The following EML4 variants were observed in gnomAD, a reference collection of about 807,000 sequenced individuals.
The protein encoded by EML4 is EMAP like 4, also known as echinoderm microtubule-associated protein-like 4.
EML4 carries 72 observed loss-of-function variants against 129.0 expected under a neutral mutation model. The observed-to-expected ratio is 0.56, with a 90% CI of 0.46 to 0.68. The LOEUF is 0.68. Among genes scored for constraint, EML4 ranks in the 30% least tolerant of loss-of-function variants. The pLI, the probability that EML4 is intolerant of heterozygous loss-of-function variation, is 0.00. For synonymous variants in EML4, 532 were observed against 405.0 expected, an observed-to-expected ratio of 1.31 and a Z score of -3.77; for missense variants, 1,363 against 1,190.6, an observed-to-expected ratio of 1.14 and a Z score of -2.13.
At chr2:42,253,868 A>G (rs1031544805) in intron 2 of EML4, among the ~76,000 whole-genome samples, 1 of 152,256 alleles carries the variant, frequency 6.6e-6, no homozygotes, top group African/African-American at 2.4e-5. Flanking sequence ...AAGATTTCAT[A>G]AGTAGCACAC....
At chr2:42,265,617 A>G (rs1455353805) in intron 6 of EML4, among the ~76,000 whole-genome samples, 3 of 152,206 alleles carry the variant, frequency 2.0e-5, no homozygotes, top group Non-Finnish European at 4.4e-5. Flanking sequence ...ACAGTATTAC[A>G]AAAAGGGATA....
At position 42,302,386 on chromosome 2, in the gene EML4, G is replaced by A. The variant is rs540521817; in HGVS notation, c.1642-718G>A. Among the ~76,000 whole-genome samples the A allele has an allele frequency of 3.3e-5, 5 of 152,102 alleles. 1 individual carries two copies. The South Asian group carries it at 1.0e-3, about 32-fold the overall frequency. ...TTTGATCCTTACAACAATCAAGAGT[G>A]GGTAGGGCATGTATTATTATCCTTA... On this transcript the variant is annotated intron_variant, in intron 14 of 22. Coordinates refer to ENST00000318522, the MANE Select transcript of EML4 (RefSeq NM_019063.5).
chr2:42,291,594 C>G (rs58040278), intron 11 of EML4, among the ~76,000 whole-genome samples: 2,488 of 151,786 alleles, frequency 0.016, 56 homozygotes, highest in African/African-American at 0.053. Flanking sequence ...TTAATAGAGT[C>G]AGAGTTTCAC....
chr2:42,279,300 G>C (rs1666869061), intron 6 of EML4, among the ~76,000 whole-genome samples: 1 of 152,122 alleles, frequency 6.6e-6, no homozygotes, highest in Admixed American at 6.6e-5. Context: ...AGTTCTTCTA[G>C]AAAATACCCA....
intron 3 of EML4, among the ~76,000 whole-genome samples, chr2:42,260,017 A>G (rs140078243): frequency 2.6e-4 from 39 of 150,758 alleles, no homozygotes; most frequent in Admixed American, 5.3e-4. Context: ...GGCGTGAGCC[A>G]CTGTGCCTGG....
chr2:42,295,002 TAGA>T (rs1419547187), intron 11 of EML4, 120 bp from the exon 12 acceptor site: 3 of 862,286 alleles, frequency 3.5e-6, no homozygotes, highest in East Asian at 2.7e-5. Context: ...AAAATTGTCT[TAGA>T]AGAAGAGGCA....
At chr2:42,224,919 C>T (rs1267247859) in intron 1 of EML4, among the ~76,000 whole-genome samples, 2 of 152,092 alleles carry the variant, frequency 1.3e-5, no homozygotes, top group African/African-American at 4.8e-5. Context: ...ATTGACCTCT[C>T]CTTTCAGTCC....
chr2:42,280,496 T>C (rs896280614), intron 6 of EML4, among the ~76,000 whole-genome samples: 1 of 152,232 alleles, frequency 6.6e-6, no homozygotes, highest in Non-Finnish European at 1.5e-5. Context: ...ACTGAATATA[T>C]GCAGACTTTT....
At chr2:42,275,554 C>G (rs1666609114) in intron 6 of EML4, among the ~76,000 whole-genome samples, 1 of 152,196 alleles carries the variant, frequency 6.6e-6, no homozygotes, top group African/African-American at 2.4e-5. Flanking sequence ...GGGAAATGAA[C>G]AACAGCCTTT....
At position 42,302,989 on chromosome 2, in the gene EML4, A is replaced by G. The variant is rs1668376415; in HGVS notation, c.1642-115A>G. ...TAGTAGTATGAGATTACCATATCCA[A>G]ATTTGGGCTTTCGTCATAATTACCT... On this transcript the variant is annotated intron_variant, in intron 14 of 22. Transcript: ENST00000318522. 1.5e-5 allele frequency: 14 copies of G among 935,118 alleles called. No homozygotes were observed. The South Asian group carries it at 1.9e-4, about 13-fold the overall frequency. The allele number at this position is 935,118 out of a possible 1,614,324, so 57.9% of individuals were successfully genotyped here. A position where few individuals can be genotyped will look rare whatever the true frequency, so the allele number is the denominator to read the frequency against.
chr2:42,262,807 A>G (rs1665815349), intron 4 of EML4, among the ~76,000 whole-genome samples: 1 of 152,206 alleles, frequency 6.6e-6, no homozygotes, highest in Non-Finnish European at 1.5e-5. Context: ...TGCACAAAAA[A>G]TGAAAATGGC....
intron 1 of EML4, among the ~76,000 whole-genome samples, chr2:42,187,936 A>G (rs1671357305): frequency 6.6e-6 from 1 of 152,164 alleles, no homozygotes; most frequent in South Asian, 2.1e-4. Flanking sequence ...ACCCAGGGTC[A>G]CAAAGATTCT....
At chr2:42,187,042 T>A (rs949964905) in intron 1 of EML4, among the ~76,000 whole-genome samples, 2 of 63,102 alleles carry the variant, frequency 3.2e-5, no homozygotes, top group South Asian at 5.7e-4. Flanking sequence ...TTCTCCTTTT[T>A]TTGGAGCGGG....
intron 19 of EML4, among the ~76,000 whole-genome samples, chr2:42,319,075 T>C (rs1669391808): frequency 6.6e-6 from 1 of 152,206 alleles, no homozygotes; most frequent in Admixed American, 6.5e-5. Context: ...TATGACTTAA[T>C]CTTGTAGAAT....
chr2:42,229,422 T>C (rs564300009), intron 1 of EML4, among the ~76,000 whole-genome samples: 3 of 152,320 alleles, frequency 2.0e-5, no homozygotes, highest in South Asian at 2.1e-4. Flanking sequence ...AAGCACCATA[T>C]GCATATTAAG....
intron 19 of EML4, among the ~76,000 whole-genome samples, chr2:42,321,208 C>T (rs1318438812): frequency 6.6e-6 from 1 of 151,838 alleles, no homozygotes; most frequent in African/African-American, 2.4e-5. Context: ...ACGGTGAAAC[C>T]CCATCTCTAC....
intron 6 of EML4, among the ~76,000 whole-genome samples, chr2:42,278,960 G>C (rs1007829068): frequency 5.9e-5 from 9 of 151,816 alleles, no homozygotes; most frequent in Admixed American, 2.6e-4. Context: ...GTATTGATTT[G>C]ATTCTAGACT....
intron 1 of EML4, among the ~76,000 whole-genome samples, chr2:42,188,881 G>A (rs1413676194): frequency 6.6e-6 from 1 of 152,152 alleles, no homozygotes; most frequent in Non-Finnish European, 1.5e-5. Flanking sequence ...TGTAATCCCA[G>A]CGCTTTGGGA....
In EML4 at chr2:42,329,949, T is replaced by TAAAGGATA; in HGVS notation, c.2689_2690insAAGGATAA (p.Thr897LysfsTer3). The TAAAGGATA allele has an allele frequency of 6.2e-7, 1 of 1,613,932 alleles. No individual in the cohort carries two copies. On this transcript the variant is annotated frameshift_variant, in exon 23 of 23. Coordinates refer to ENST00000318522, the MANE Select transcript of EML4 (RefSeq NM_019063.5). LOFTEE classifies it high-confidence loss of function. ...CCACTGAAAGTGTCATCCAATCTAA[T>TAAAGGATA]ACTCCCACACCGCCTCCTTCTCAGC... is the stretch of plus-strand genomic sequence containing the variant.
Sources: gnomAD v4.1 joint callset for allele counts (sites outside exome capture counted in the v4.1 genomes callset) on GRCh38, gnomAD v4.1.1 for gene constraint, MANE v1.5 for transcripts, NCBI Gene and HGNC (gene_info 2026-07-23, HGNC 2026-07-21) for gene names.